MYO1B: variants seen among roughly 807,000 people sequenced by gnomAD.
MYO1B encodes the protein unconventional myosin-Ib.
A neutral mutation model predicts 159.7 loss-of-function variants in MYO1B; 72 were observed. The observed-to-expected ratio is 0.45, with a 90% CI of 0.37 to 0.55. MYO1B has a LOEUF of 0.55. Among genes scored for constraint, MYO1B ranks in the 20% least tolerant of loss-of-function variants. The pLI, the probability that MYO1B is intolerant of heterozygous loss-of-function variation, is 0.00. For synonymous variants in MYO1B, 468 were observed against 473.8 expected, an observed-to-expected ratio of 0.99 and a Z score of 0.16; for missense variants, 1,062 against 1,364.8, an observed-to-expected ratio of 0.78 and a Z score of 3.50.
At chr2:191,352,507 T>G (rs1044340686) in intron 7 of MYO1B, among the ~76,000 whole-genome samples, 3 of 152,200 alleles carry the variant, frequency 2.0e-5, no homozygotes, top group Non-Finnish European at 4.4e-5. Context: ...AAGTTTAAGT[T>G]CTAAGCACAA....
chr2:191,397,647 C>T lies in MYO1B; in HGVS notation c.2295+1150C>T, dbSNP rs566774045. Among the ~76,000 whole-genome samples, 120 of 147,060 alleles carry T rather than the reference C, an allele frequency of 8.2e-4. 1 individual carries two copies. In the East Asian group the frequency reaches 0.023, roughly 28 times the overall value. On this transcript the variant is annotated intron_variant, in intron 21 of 30. Coordinates refer to ENST00000392318, the MANE Select transcript of MYO1B (RefSeq NM_001130158.3). ...TTCTCAATTTTTTCCCCACCCTTCCCGCCTTTCTATTCCACAAAACCGCCA... is the reference window on the plus strand; with the variant it reads ...TTCTCAATTTTTTCCCCACCCTTCCTGCCTTTCTATTCCACAAAACCGCCA...
chr2:191,357,096 T>A (rs1457120990), intron 7 of MYO1B, among the ~76,000 whole-genome samples: 1 of 152,232 alleles, frequency 6.6e-6, no homozygotes, highest in Non-Finnish European at 1.5e-5. Flanking sequence ...TAATGAAGCT[T>A]TTATCATACT....
At position 191,346,210 on chromosome 2, in the gene MYO1B, C is replaced by T. The variant is rs756006766; in HGVS notation, c.452-26C>T. On this transcript the variant is annotated intron_variant, in intron 5 of 30. Transcript: ENST00000392318. ...CTTGAGATTATTATTATTTTTTTAA[C>T]CATACATCTGTTTCTTTCCTACTAG... 3.3e-6 allele frequency: 5 copies of T among 1,513,708 alleles called. No individual in the cohort carries two copies. The South Asian group carries it at 6.3e-5, about 19-fold the overall frequency. 93.8% of individuals were successfully genotyped at this position (1,513,708 alleles called of 1,614,324 possible). A position where few individuals can be genotyped will look rare whatever the true frequency, so the allele number is the denominator to read the frequency against.
intron 3 of MYO1B, among the ~76,000 whole-genome samples, chr2:191,318,338 T>A (rs540207887): frequency 2.0e-5 from 3 of 152,230 alleles, no homozygotes; most frequent in African/African-American, 7.2e-5. Flanking sequence ...GATTTGATTC[T>A]GTATGAGTGT....
chr2:191,379,148 G>A (rs1314983429), intron 13 of MYO1B: 2 of 152,644 alleles, frequency 1.3e-5, no homozygotes, highest in Non-Finnish European at 2.9e-5. Context: ...AATACAGCCT[G>A]AATGGTAAAA....
chr2:191,410,572 A>T (rs762803718), intron 26 of MYO1B, among the ~76,000 whole-genome samples: 1 of 152,230 alleles, frequency 6.6e-6, no homozygotes, highest in Non-Finnish European at 1.5e-5. Flanking sequence ...TTAGTGGATT[A>T]CTACCAGCGT....
intron 6 of MYO1B, among the ~76,000 whole-genome samples, chr2:191,349,595 C>T (rs976094881): frequency 2.0e-5 from 3 of 152,082 alleles, no homozygotes; most frequent in Admixed American, 6.5e-5. Flanking sequence ...TAAAATGAAC[C>T]TGCGTTATAT....
chr2:191,378,074 T>C (rs193132250), intron 13 of MYO1B, among the ~76,000 whole-genome samples: 1 of 152,192 alleles, frequency 6.6e-6, no homozygotes, highest in Admixed American at 6.5e-5. Flanking sequence ...TTTTTGTTAT[T>C]AGGGCATCTC....
chr2:191,398,732 G>A (rs1696376425), intron 21 of MYO1B, among the ~76,000 whole-genome samples: 1 of 148,890 alleles, frequency 6.7e-6, no homozygotes, highest in Non-Finnish European at 1.5e-5. Flanking sequence ...GGCGCTCCTC[G>A]CTTCCTAGAT....
At chr2:191,381,865 A>G (rs1695058356) in intron 14 of MYO1B, among the ~76,000 whole-genome samples, 2 of 152,208 alleles carry the variant, frequency 1.3e-5, no homozygotes, top group Admixed American at 1.3e-4. Flanking sequence ...AGAGAACTGT[A>G]TACCAAAAAA....
intron 27 of MYO1B, among the ~76,000 whole-genome samples, chr2:191,413,213 A>C (rs1045749414): frequency 6.6e-6 from 1 of 152,262 alleles, no homozygotes; most frequent in African/African-American, 2.4e-5. Flanking sequence ...AAATATCATA[A>C]GTTGAAAATG....
intron 20 of MYO1B, among the ~76,000 whole-genome samples, chr2:191,393,862 G>T (rs570194744): frequency 6.6e-6 from 1 of 151,944 alleles, no homozygotes; most frequent in South Asian, 2.1e-4. Flanking sequence ...CATACCACAG[G>T]TATGAGAGAA....
At chr2:191,411,016 A>C in intron 26 of MYO1B, 50 bp from the exon 27 acceptor site, 1 of 1,062,118 alleles carries the variant, frequency 9.4e-7, no homozygotes, top group Non-Finnish European at 1.4e-6. Flanking sequence ...AATGAGTAAT[A>C]ATTTATTTAT....
intron 1 of MYO1B, among the ~76,000 whole-genome samples, chr2:191,274,983 C>T (rs1442448227): frequency 6.6e-6 from 1 of 152,182 alleles, no homozygotes; most frequent in Non-Finnish European, 1.5e-5. Context: ...TCTCGGCTCA[C>T]TGCAAGCTCT....
Position 191,269,537 on chromosome 2 carries a change from G to A in MYO1B, c.-9-7350G>A, listed in dbSNP as rs143844290. Among the ~76,000 whole-genome samples, 4 of 152,304 alleles carry A rather than the reference G, an allele frequency of 2.6e-5. No homozygotes were observed. In the East Asian group the frequency reaches 5.8e-4, roughly 22 times the overall value. On this transcript the variant is annotated intron_variant, in intron 1 of 30. Coordinates refer to ENST00000392318, the MANE Select transcript of MYO1B (RefSeq NM_001130158.3). ...CCCAGAGGTGGAATTTCTCGGTTAC[G>A]TAGGGAGTCTGTGTTTAATTTGTTG...
intron 15 of MYO1B, among the ~76,000 whole-genome samples, chr2:191,385,229 CAAAT>C (rs1371797544): frequency 6.6e-6 from 1 of 152,168 alleles, no homozygotes; most frequent in East Asian, 1.9e-4. Context: ...AGATATGCAA[CAAAT>C]AAATTTTCAC....
chr2:191,366,001 G>A lies in MYO1B; in HGVS notation c.1032+1725G>A, dbSNP rs1009774226. Among the ~76,000 whole-genome samples the A allele has an allele frequency of 4.6e-5, 7 of 152,252 alleles. No homozygotes were observed. The South Asian group carries it at 6.2e-4, about 14-fold the overall frequency. On this transcript the variant is annotated intron_variant, in intron 11 of 30. Transcript: ENST00000392318. ...GATTCAGTGGGTCTGGGGTAGGACC[G>A]AGGAATTTGCATTTCTAATAAATTC...
At chr2:191,383,886 G>A (rs922723606) in intron 15 of MYO1B, among the ~76,000 whole-genome samples, 3 of 151,938 alleles carry the variant, frequency 2.0e-5, no homozygotes, top group East Asian at 1.9e-4. Flanking sequence ...ACTATTCACC[G>A]GGTATTATAT....
chr2:191,351,953 T>A (rs1308471900), intron 7 of MYO1B, among the ~76,000 whole-genome samples: 1 of 152,234 alleles, frequency 6.6e-6, no homozygotes, highest in Non-Finnish European at 1.5e-5. Context: ...GTATGCCATG[T>A]GTTCGGATTG....
Sources: allele counts gnomAD v4.1 joint callset (sites outside exome capture counted in the v4.1 genomes callset), GRCh38; gene constraint gnomAD v4.1.1; transcripts MANE v1.5; gene names NCBI Gene and HGNC (gene_info 2026-07-23, HGNC 2026-07-21).